Variants in MAP3K2 observed in about 807,000 individuals in gnomAD.
MAP3K2 encodes the protein MAP/ERK kinase kinase 2.
Under a neutral mutation model 80.3 loss-of-function variants are expected in MAP3K2, and 24 were observed. The observed-to-expected ratio is 0.30, with a 90% CI of 0.22 to 0.42. MAP3K2 has a LOEUF of 0.42. MAP3K2 is among the 10% of genes least tolerant of loss of function. The pLI is 1.00. For synonymous variants in MAP3K2, 244 were observed against 253.7 expected (o/e 0.96, Z 0.36); for missense variants, 608 against 750.1 (o/e 0.81, Z 2.21).
intron 1 of MAP3K2, among the ~76,000 whole-genome samples, chr2:127,365,438 T>C (rs1350011233): frequency 6.6e-6 from 1 of 152,186 alleles, no homozygotes; most frequent in Non-Finnish European, 1.5e-5. Context: ...CCAAACTACA[T>C]TTCCCAGAAT....
At chr2:127,377,153 C>T (rs545628112) in intron 1 of MAP3K2, among the ~76,000 whole-genome samples, 2 of 151,968 alleles carry the variant, frequency 1.3e-5, no homozygotes, top group South Asian at 4.2e-4. Flanking sequence ...GGACATTAAA[C>T]TCTCCCATAT....
chr2:127,346,946 G>A (rs72845988), intron 1 of MAP3K2, among the ~76,000 whole-genome samples: 4,888 of 152,152 alleles, frequency 0.032, 123 homozygotes, highest in Middle Eastern at 0.061. Flanking sequence ...CAGAGATCAT[G>A]CTGCACTGTA....
At chr2:127,324,597 A>G (rs931335318) in intron 9 of MAP3K2, among the ~76,000 whole-genome samples, 2 of 152,162 alleles carry the variant, frequency 1.3e-5, no homozygotes, top group Non-Finnish European at 2.9e-5. Flanking sequence ...TCAAGTGTAC[A>G]TAAGTAAGGT....
intron 1 of MAP3K2, among the ~76,000 whole-genome samples, chr2:127,344,287 C>T (rs746367715): frequency 4.6e-5 from 7 of 152,058 alleles, no homozygotes; most frequent in Non-Finnish European, 1.0e-4. Flanking sequence ...TCCATGCATG[C>T]CCAAATTCCC....
chr2:127,370,547 G>A (rs1177978312), intron 1 of MAP3K2, among the ~76,000 whole-genome samples: 3 of 152,216 alleles, frequency 2.0e-5, no homozygotes, highest in African/African-American at 7.2e-5. Flanking sequence ...AACAGAAACA[G>A]TATATAAAAG....
In MAP3K2 at chr2:127,335,872, C is replaced by T. The variant is rs1224000353; in HGVS notation, c.262G>A (p.Glu88Lys). The change falls in exon 5 of 17, where the codon GAG (glutamate) becomes AAG (lysine). Residue 88 changes from glutamate to lysine, a missense_variant and splice_region_variant. This residue lies in a region of MAP3K2 where 467 missense variants were observed against 521.9 expected (regional missense o/e 0.89). Coordinates refer to ENST00000682094, the MANE Select transcript of MAP3K2 (RefSeq NM_001371910.2). Reference sequence around the variant, plus strand: ...AAAGTTAAACTGTACATGTTTACCTCGTTATTGGTATAATGTAGATCCATA... The same window carrying T: ...AAAGTTAAACTGTACATGTTTACCTTGTTATTGGTATAATGTAGATCCATA... ...QSMDLHYTNNELVIPLTTQDD... is the reference protein window; with the variant it reads ...QSMDLHYTNNKLVIPLTTQDD... The T allele has an allele frequency of 1.3e-6, 2 of 1,529,062 alleles. No individual in the cohort carries two copies. Among genetic ancestry groups the T allele is most frequent in the East Asian group, 2.3e-5 (1 of 42,596 alleles). 94.7% of individuals were successfully genotyped at this position (1,529,062 alleles called of 1,614,324 possible).
At chr2:127,350,486 A>G (rs1308000649) in intron 1 of MAP3K2, among the ~76,000 whole-genome samples, 1 of 150,966 alleles carries the variant, frequency 6.6e-6, no homozygotes, top group African/African-American at 2.4e-5. Flanking sequence ...GAAGAAAACC[A>G]TGAGTCCATA....
At chr2:127,365,729 C>G (rs1210546265) in intron 1 of MAP3K2, among the ~76,000 whole-genome samples, 2 of 152,210 alleles carry the variant, frequency 1.3e-5, no homozygotes, top group Non-Finnish European at 2.9e-5. Flanking sequence ...GCATACCTGG[C>G]TTCTCAGATT....
At chr2:127,358,593 CA>C (rs1472691729) in intron 1 of MAP3K2, among the ~76,000 whole-genome samples, 1 of 152,160 alleles carries the variant, frequency 6.6e-6, no homozygotes, top group African/African-American at 2.4e-5. Context: ...TATCAAGTCA[CA>C]GAAAAGTCAT....
chr2:127,348,532 G>C (rs1428032139), intron 1 of MAP3K2, among the ~76,000 whole-genome samples: 3 of 152,096 alleles, frequency 2.0e-5, no homozygotes, highest in Admixed American at 1.3e-4. Context: ...GAAATGTCTA[G>C]AATAGCAAAT....
rs1687394947 is a variant in MAP3K2, at chr2:127,387,652, G to A, written c.-266C>T. The A allele has an allele frequency of 4.1e-6, 4 of 985,152 alleles. No homozygotes were observed. The highest frequency in any genetic ancestry group is 6.1e-5 in the Admixed American group (1 of 16,272). The allele number at this position is 985,152 out of a possible 1,614,324, so 61.0% of individuals were successfully genotyped here. The stretch of plus-strand genomic sequence containing the variant: ...CCGTCCCTCTTTCACATGAAGCCCG[G>A]GCCGGGCGGGGTGGCGGGCGCGTGA... On this transcript the variant is annotated 5_prime_UTR_variant, in exon 1 of 17. Transcript: ENST00000682094.
chr2:127,378,129 T>C (rs1187924094), intron 1 of MAP3K2: 19 of 977,592 alleles, frequency 1.9e-5, no homozygotes, highest in Non-Finnish European at 2.3e-5. Context: ...TGAGAGAAGA[T>C]GACAGACATG....
At chr2:127,335,427 C>CT (rs963524101) in intron 5 of MAP3K2, among the ~76,000 whole-genome samples, 7 of 152,190 alleles carry the variant, frequency 4.6e-5, no homozygotes, top group African/African-American at 9.7e-5. Flanking sequence ...AGAGCAAGCC[C>CT]TTCAGATCAT....
chr2:127,363,698 A>C (rs1686926542), intron 1 of MAP3K2, among the ~76,000 whole-genome samples: 1 of 152,134 alleles, frequency 6.6e-6, no homozygotes, highest in Admixed American at 6.5e-5. Context: ...ACCTTTTAAA[A>C]ATGTATTTAC....
chr2:127,381,068 T>C (rs1487802643), intron 1 of MAP3K2, among the ~76,000 whole-genome samples: 1 of 152,206 alleles, frequency 6.6e-6, no homozygotes, highest in East Asian at 1.9e-4. Flanking sequence ...GGTCTTGCTA[T>C]GTTGCCCAGG....
chr2:127,351,213 C>A (rs1686685796), intron 1 of MAP3K2, among the ~76,000 whole-genome samples: 1 of 152,108 alleles, frequency 6.6e-6, no homozygotes, highest in South Asian at 2.1e-4. Flanking sequence ...TGAATGGGTT[C>A]TGTGGATTAG....
intron 1 of MAP3K2, among the ~76,000 whole-genome samples, chr2:127,359,537 G>A (rs1281141351): frequency 6.6e-6 from 1 of 152,178 alleles, no homozygotes; most frequent in Admixed American, 6.5e-5. Context: ...CTTCAGAAAT[G>A]TTCGACAATT....
At chr2:127,325,666 T>C in intron 9 of MAP3K2, 62 bp downstream of exon 9, 1 of 1,340,064 alleles carries the variant, frequency 7.5e-7, no homozygotes, top group Non-Finnish European at 1.1e-6. Flanking sequence ...CCAGCCTGGG[T>C]GACAGCAAAA....
chr2:127,355,906 C>T (rs1686789726), intron 1 of MAP3K2, among the ~76,000 whole-genome samples: 1 of 152,140 alleles, frequency 6.6e-6, no homozygotes, highest in Non-Finnish European at 1.5e-5. Context: ...CATTCTAAAT[C>T]TTTTGTTGTC....
Sources: allele counts gnomAD v4.1 joint callset (sites outside exome capture counted in the v4.1 genomes callset), GRCh38; gene constraint gnomAD v4.1.1; regional missense constraint gnomAD v4.1.1; transcripts MANE v1.5; gene names NCBI Gene and HGNC (gene_info 2026-07-23, HGNC 2026-07-21).